RPA3: variants seen among roughly 807,000 people sequenced by gnomAD.
RPA3 encodes the protein replication protein A3.
RPA3 carries 24 observed loss-of-function variants against 13.7 expected under a neutral mutation model. That is an observed-to-expected ratio of 1.75 (90% CI 1.27 to 2.46). The LOEUF is 2.46. RPA3 is among the 30% of genes most tolerant of loss of function. The pLI is 0.00. For synonymous variants in RPA3, 59 were observed against 51.2 expected (o/e 1.15, Z -0.65); for missense variants, 183 against 151.0 (o/e 1.21, Z -1.11).
intron 4 of RPA3, among the ~76,000 whole-genome samples, chr7:7,650,989 A>G (rs1162844218): frequency 1.3e-5 from 2 of 152,168 alleles, no homozygotes; most frequent in African/African-American, 4.8e-5. Flanking sequence ...GCTCTCTTAA[A>G]AGAGCATTTG....
intron 4 of RPA3, among the ~76,000 whole-genome samples, chr7:7,654,398 G>A (rs1259890022): frequency 6.6e-6 from 1 of 152,176 alleles, no homozygotes; most frequent in African/African-American, 2.4e-5. Flanking sequence ...TTTATCATAT[G>A]GATATGGGAA....
intron 4 of RPA3, among the ~76,000 whole-genome samples, chr7:7,642,731 C>G (rs1785002943): frequency 6.6e-6 from 1 of 152,186 alleles, no homozygotes; most frequent in Non-Finnish European, 1.5e-5. Context: ...TGTCATTCAG[C>G]TGAAGAAATG....
At chr7:7,664,534 A>G (rs1256854450) in intron 4 of RPA3, among the ~76,000 whole-genome samples, 5 of 152,124 alleles carry the variant, frequency 3.3e-5, no homozygotes, top group Non-Finnish European at 5.9e-5. Flanking sequence ...TTGCTTATCT[A>G]CATGGTTCCT....
intron 2 of RPA3, among the ~76,000 whole-genome samples, chr7:7,712,930 G>T (rs867938771): frequency 1.3e-5 from 2 of 152,092 alleles, no homozygotes; most frequent in African/African-American, 2.4e-5. Context: ...AATTATCTTG[G>T]CCTCGTGTTT....
At chr7:7,677,159 A>G (rs1402397675) in intron 4 of RPA3, among the ~76,000 whole-genome samples, 5 of 152,144 alleles carry the variant, frequency 3.3e-5, no homozygotes, top group Non-Finnish European at 4.4e-5. Flanking sequence ...GGTACATGTG[A>G]TGTTTTGACA....
intron 2 of RPA3, among the ~76,000 whole-genome samples, chr7:7,698,372 A>G (rs530424535): frequency 2.0e-5 from 3 of 152,348 alleles, no homozygotes; most frequent in African/African-American, 2.4e-5. Context: ...CATCTCTGCC[A>G]TCAATTTCAA....
intron 4 of RPA3, among the ~76,000 whole-genome samples, chr7:7,655,457 T>C (rs1365863643): frequency 6.6e-6 from 1 of 152,198 alleles, no homozygotes; most frequent in African/African-American, 2.4e-5. Flanking sequence ...CCCTATACAG[T>C]GAAGTTCTCT....
intron 4 of RPA3, among the ~76,000 whole-genome samples, chr7:7,644,649 C>T (rs998473684): frequency 6.6e-6 from 1 of 152,154 alleles, no homozygotes; most frequent in Non-Finnish European, 1.5e-5. Flanking sequence ...GCCACCTTCA[C>T]TTGTCACCTT....
At chr7:7,638,834 T>C (rs1784905489) in intron 6 of RPA3, 1 of 372,420 alleles carries the variant, frequency 2.7e-6, no homozygotes, top group Non-Finnish European at 4.8e-6. Flanking sequence ...TGAGAATTGT[T>C]ATCCAACATT....
chr7:7,709,579 T>A lies in RPA3; in HGVS notation c.-1028+5596A>T, dbSNP rs552861385. Among the ~76,000 whole-genome samples, 5 of 152,374 alleles carry A rather than the reference T, an allele frequency of 3.3e-5. No individual in the cohort carries two copies. The South Asian group carries it at 1.0e-3, about 32-fold the overall frequency. On this transcript the variant is annotated intron_variant, in intron 2 of 7. Coordinates refer to ENST00000223129, the MANE Select transcript of RPA3 (RefSeq NM_002947.5). ...CAAGGGCAAAATGAGGCTTGTGGGA[T>A]AAGAATGGTTTGTCAGAAGTCACCT... is the stretch of plus-strand genomic sequence containing the variant.
intron 4 of RPA3, among the ~76,000 whole-genome samples, chr7:7,648,144 T>C (rs949184839): frequency 1.3e-5 from 2 of 152,210 alleles, no homozygotes; most frequent in Admixed American, 1.3e-4. Flanking sequence ...AGTGGCCTCC[T>C]TCTTCTTAAA....
intron 4 of RPA3, among the ~76,000 whole-genome samples, chr7:7,658,214 A>C (rs1049135701): frequency 6.6e-6 from 1 of 152,234 alleles, no homozygotes; most frequent in African/African-American, 2.4e-5. Flanking sequence ...TTTTGGGCTG[A>C]GACGATGGGG....
At chr7:7,691,773 G>A (rs947899102) in intron 2 of RPA3, among the ~76,000 whole-genome samples, 4 of 152,280 alleles carry the variant, frequency 2.6e-5, no homozygotes, top group African/African-American at 9.6e-5. Flanking sequence ...AAATTTGATG[G>A]TATTGAAGTG....
intron 2 of RPA3, among the ~76,000 whole-genome samples, chr7:7,702,696 AC>A (rs1195219608): frequency 6.6e-6 from 1 of 152,236 alleles, no homozygotes; most frequent in East Asian, 1.9e-4. Context: ...ATTGAATCTT[AC>A]TTTTCCACTG....
intron 4 of RPA3, among the ~76,000 whole-genome samples, chr7:7,678,505 A>G (rs1308272271): frequency 3.6e-5 from 5 of 138,516 alleles, no homozygotes; most frequent in Non-Finnish European, 7.7e-5. Context: ...ATATTTATAT[A>G]TTTAATATAG....
chr7:7,642,649 A>G (rs1399437122), intron 4 of RPA3, among the ~76,000 whole-genome samples: 1 of 152,226 alleles, frequency 6.6e-6, no homozygotes, highest in Non-Finnish European at 1.5e-5. Context: ...TATAAAATAC[A>G]TGATGTACAG....
intron 4 of RPA3, among the ~76,000 whole-genome samples, chr7:7,652,525 A>G (rs1415750768): frequency 6.6e-6 from 1 of 152,224 alleles, no homozygotes; most frequent in Non-Finnish European, 1.5e-5. Context: ...TGGTTAATGC[A>G]TGGTTGATGC....
intron 4 of RPA3, among the ~76,000 whole-genome samples, chr7:7,664,394 T>C (rs149243395): frequency 5.3e-5 from 8 of 152,300 alleles, no homozygotes; most frequent in African/African-American, 1.2e-4. Context: ...AATACTTTGC[T>C]CAAGACTCCA....
At chr7:7,694,275 T>C (rs1052465264) in intron 2 of RPA3, among the ~76,000 whole-genome samples, 1 of 152,216 alleles carries the variant, frequency 6.6e-6, no homozygotes, top group Non-Finnish European at 1.5e-5. Flanking sequence ...TATATATTTA[T>C]GGGTTATATG....
Sources: allele counts gnomAD v4.1 joint callset (sites outside exome capture counted in the v4.1 genomes callset), GRCh38; gene constraint gnomAD v4.1.1; transcripts MANE v1.5; gene names NCBI Gene and HGNC (gene_info 2026-07-23, HGNC 2026-07-21).